Variants in ALPL observed in about 807,000 individuals in gnomAD.
ALPL encodes the protein alkaline phosphatase, biomineralization associated.
ALPL carries 42 observed loss-of-function variants against 51.3 expected under a neutral mutation model. That is an observed-to-expected ratio of 0.82 (90% CI 0.64 to 1.06). The LOEUF is 1.06. Among genes scored for constraint, ALPL ranks in the 50% least tolerant of loss-of-function variants. ALPL has a pLI of 0.00. For synonymous variants in ALPL, 279 were observed against 296.4 expected (o/e 0.94, Z 0.60); for missense variants, 589 against 709.4 (o/e 0.83, Z 1.93).
rs555926350 is a variant in ALPL, at chr1:21,523,218, G to A, written c.-105+13701G>A. On this transcript the variant is annotated intron_variant, in intron 1 of 11. Coordinates refer to ENST00000374840, the MANE Select transcript of ALPL (RefSeq NM_000478.6). ...GGAGGATGAGACAGGAGAATCACTT[G>A]AACCCGGGAGGCGGAGGTTGCAGCC... Among the ~76,000 whole-genome samples, 14 of 152,344 alleles carry A rather than the reference G, an allele frequency of 9.2e-5. No individual in the cohort carries two copies. In the East Asian group the frequency reaches 2.7e-3, roughly 29 times the overall value.
chr1:21,537,071 TATTTTTA>T (rs1644117825), intron 1 of ALPL, among the ~76,000 whole-genome samples: 1 of 152,004 alleles, frequency 6.6e-6, no homozygotes, highest in Non-Finnish European at 1.5e-5. Context: ...TAATTTTTTG[TATTTTTA>T]GTAGAGACAG....
At position 21,554,941 on chromosome 1, in the gene ALPL, C is replaced by T. The variant is rs554863236; in HGVS notation, c.61+799C>T. 2.8e-3 allele frequency among the ~76,000 whole-genome samples: 380 copies of T among 136,940 alleles called. 3 individuals carry two copies. The highest frequency in any genetic ancestry group is 9.6e-3 in the African/African-American group (356 of 36,944). The allele number at this position is 136,940 out of a possible 152,430, so 89.8% of individuals were successfully genotyped here. A position where few individuals can be genotyped will look rare whatever the true frequency, so the allele number is the denominator to read the frequency against. On this transcript the variant is annotated intron_variant, in intron 2 of 11. Coordinates refer to ENST00000374840, the MANE Select transcript of ALPL (RefSeq NM_000478.6). ...TTCTTTCTTTCTTTCTTTTCTTTTT[C>T]TTTCCTTTCTTTCCTTTCTTTTCTC...
At position 21,553,971 on chromosome 1, in the gene ALPL, T is replaced by G. The variant is rs1458314800; in HGVS notation, c.-104-7T>G. 1 of 921,956 alleles carries G rather than the reference T, an allele frequency of 1.1e-6. No homozygotes were observed. The highest frequency in any genetic ancestry group is 1.8e-6 in the Non-Finnish European group (1 of 553,580). The allele number at this position is 921,956 out of a possible 1,614,324, so 57.1% of individuals were successfully genotyped here. A position where few individuals can be genotyped will look rare whatever the true frequency, so the allele number is the denominator to read the frequency against. The stretch of plus-strand genomic sequence containing the variant: ...CATGCCTCTTTTTCTCTTTTTTTAA[T>G]TTCTAGGATTGGAACATCAGTTAAC... On this transcript the variant is annotated splice_polypyrimidine_tract_variant and splice_region_variant and intron_variant, in intron 1 of 11. Transcript: ENST00000374840.
chr1:21,533,491 T>A (rs1249920345), intron 1 of ALPL, among the ~76,000 whole-genome samples: 1 of 152,152 alleles, frequency 6.6e-6, no homozygotes, highest in Non-Finnish European at 1.5e-5. Context: ...CCCTGCAAGG[T>A]GAGGATGACC....
chr1:21,542,513 C>T (rs1644199514), intron 1 of ALPL, among the ~76,000 whole-genome samples: 1 of 152,196 alleles, frequency 6.6e-6, no homozygotes, highest in African/African-American at 2.4e-5. Context: ...GACAAAGTTT[C>T]CCAAATGAAT....
intron 2 of ALPL, among the ~76,000 whole-genome samples, chr1:21,554,567 T>G (rs542903516): frequency 1.2e-3 from 176 of 151,204 alleles, no homozygotes; most frequent in African/African-American, 3.4e-3. Flanking sequence ...CTTGGCTCAC[T>G]GCAAGCTCTG....
At chr1:21,529,627 A>G (rs1278252295) in intron 1 of ALPL, among the ~76,000 whole-genome samples, 1 of 152,082 alleles carries the variant, frequency 6.6e-6, no homozygotes, top group African/African-American at 2.4e-5. Context: ...AATTTATTCT[A>G]CTTATGTGTT....
chr1:21,554,989 C>CCAAA (rs1644394683), intron 2 of ALPL, among the ~76,000 whole-genome samples: 1 of 151,472 alleles, frequency 6.6e-6, no homozygotes, highest in Non-Finnish European at 1.5e-5. Context: ...GAAGAGACCA[C>CCAAA]CAAACAGGCT....
chr1:21,577,703 G>C lies in ALPL; in HGVS notation c.*55G>C, dbSNP rs1179262413. 1 of 1,560,458 alleles carries C rather than the reference G, an allele frequency of 6.4e-7. No individual in the cohort carries two copies. Among genetic ancestry groups the C allele is most frequent in the Non-Finnish European group, 8.6e-7 (1 of 1,160,534 alleles). On this transcript the variant is annotated 3_prime_UTR_variant, in exon 12 of 12. Coordinates refer to ENST00000374840, the MANE Select transcript of ALPL (RefSeq NM_000478.6). Reference sequence around the variant, plus strand: ...GTGACAGATGCCAACTTCCCACACGGCAGCCCCCCCCTCAAGGGGCAGGGA... The same window carrying C: ...GTGACAGATGCCAACTTCCCACACGCCAGCCCCCCCCTCAAGGGGCAGGGA...
chr1:21,548,905 C>A (rs189036270), intron 1 of ALPL, among the ~76,000 whole-genome samples: 2 of 152,262 alleles, frequency 1.3e-5, no homozygotes, highest in East Asian at 1.9e-4. Context: ...GCGTTTGATT[C>A]TTTACATTCA....
At chr1:21,568,601 C>T (rs1364716283) in intron 7 of ALPL, among the ~76,000 whole-genome samples, 1 of 152,052 alleles carries the variant, frequency 6.6e-6, no homozygotes, top group East Asian at 1.9e-4. Context: ...ATGCTGTGTG[C>T]CTGCATGGGG....
intron 1 of ALPL, among the ~76,000 whole-genome samples, chr1:21,535,356 G>A (rs75275661): frequency 0.022 from 3,369 of 152,184 alleles, 136 homozygotes; most frequent in African/African-American, 0.076. Flanking sequence ...GGCCTCACCC[G>A]GGAGTCCCAG....
At chr1:21,513,480 G>A (rs1001993268) in intron 1 of ALPL, among the ~76,000 whole-genome samples, 5 of 152,208 alleles carry the variant, frequency 3.3e-5, no homozygotes, top group African/African-American at 1.2e-4. Flanking sequence ...ATACCTCTGT[G>A]ACCTTGGGCA....
chr1:21,511,844 C>G (rs1215276697), intron 1 of ALPL, among the ~76,000 whole-genome samples: 2 of 152,202 alleles, frequency 1.3e-5, no homozygotes, highest in Non-Finnish European at 2.9e-5. Flanking sequence ...TGGATATGAT[C>G]TTGGAAAGGG....
At chr1:21,555,315 A>G (rs1186492347) in intron 2 of ALPL, among the ~76,000 whole-genome samples, 1 of 152,130 alleles carries the variant, frequency 6.6e-6, no homozygotes, top group African/African-American at 2.4e-5. Context: ...GACCATTTAA[A>G]TTTCACTTCT....
At chr1:21,569,198 G>A (rs1225413913) in intron 7 of ALPL, among the ~76,000 whole-genome samples, 2 of 152,150 alleles carry the variant, frequency 1.3e-5, no homozygotes, top group Admixed American at 1.3e-4. Flanking sequence ...CTCAGGCTGG[G>A]CCAGAGCCCC....
chr1:21,523,914 G>GA (rs35454183), intron 1 of ALPL, among the ~76,000 whole-genome samples: 14,771 of 151,456 alleles, frequency 0.098, 894 homozygotes, highest in South Asian at 0.15. Context: ...GCTCTTTTAT[G>GA]AAACCTTAAT....
chr1:21,532,434 G>A (rs577833277), intron 1 of ALPL, among the ~76,000 whole-genome samples: 350 of 152,062 alleles, frequency 2.3e-3, no homozygotes, highest in African/African-American at 8.0e-3. Flanking sequence ...CATGTGATCC[G>A]CCCGCCTCAG....
chr1:21,574,346 T>C, intron 9 of ALPL: 1 of 331,824 alleles, frequency 3.0e-6, no homozygotes, highest in Non-Finnish European at 4.3e-6. Context: ...AGACATAAAG[T>C]ACTTGGAACG....
Sources: gnomAD v4.1 joint callset for allele counts (sites outside exome capture counted in the v4.1 genomes callset) on GRCh38, gnomAD v4.1.1 for gene constraint, MANE v1.5 for transcripts, NCBI Gene and HGNC (gene_info 2026-07-23, HGNC 2026-07-21) for gene names.